DYNC1I2: variants seen among roughly 807,000 people sequenced by gnomAD.
DYNC1I2 encodes the protein dynein cytoplasmic 1 intermediate chain 2, also known as cytoplasmic dynein 1 intermediate chain 2.
In DYNC1I2, 53 loss-of-function variants were observed where a neutral mutation model predicts 88.6. The ratio of observed to expected loss-of-function variants is 0.60; its 90% CI spans 0.48 to 0.75. The LOEUF is 0.75. Among genes scored for constraint, DYNC1I2 ranks in the 30% least tolerant of loss-of-function variants. DYNC1I2 has a pLI of 0.00. For synonymous variants in DYNC1I2, 198 were observed against 254.6 expected (o/e 0.78, Z 2.12); for missense variants, 458 against 766.6 (o/e 0.60, Z 4.75).
At chr2:171,718,131 A>G (rs1687646176) in intron 7 of DYNC1I2, among the ~76,000 whole-genome samples, 1 of 151,566 alleles carries the variant, frequency 6.6e-6, no homozygotes, top group African/African-American at 2.4e-5. Flanking sequence ...TAATCTTTGT[A>G]TTTTTGGTAG....
intron 5 of DYNC1I2, among the ~76,000 whole-genome samples, chr2:171,710,543 T>A (rs1011413402): frequency 2.4e-4 from 37 of 152,128 alleles, no homozygotes; most frequent in African/African-American, 7.2e-4. Context: ...AAGAATTTCT[T>A]TTGGGACTGG....
intron 12 of DYNC1I2, 41 bp downstream of exon 12, chr2:171,728,008 T>C (rs2105696507): frequency 6.2e-7 from 1 of 1,600,600 alleles, no homozygotes; most frequent in Non-Finnish European, 8.5e-7. Flanking sequence ...TCTGTGCTCC[T>C]TCATCCTTAG....
At chr2:171,692,493 G>A (rs771419882) in intron 2 of DYNC1I2, among the ~76,000 whole-genome samples, 21 of 152,098 alleles carry the variant, frequency 1.4e-4, no homozygotes, top group South Asian at 6.2e-4. Flanking sequence ...TAGATAATTC[G>A]AAGTTGACTG....
intron 15 of DYNC1I2, 86 bp downstream of exon 15, chr2:171,729,939 T>C (rs1688498980): frequency 2.7e-6 from 4 of 1,476,202 alleles, no homozygotes; most frequent in Non-Finnish European, 2.8e-6. Flanking sequence ...ATGAAAACCT[T>C]TTAAATCATA....
At chr2:171,726,982 C>T in intron 11 of DYNC1I2, 66 bp downstream of exon 11, 10 of 1,428,192 alleles carry the variant, frequency 7.0e-6, no homozygotes, top group South Asian at 1.6e-5. Context: ...AAGACAAGTG[C>T]CTTTTTTCTT....
intron 14 of DYNC1I2, 38 bp from the exon 15 acceptor site, chr2:171,729,671 A>G: frequency 1.9e-6 from 3 of 1,609,752 alleles, no homozygotes; most frequent in Non-Finnish European, 1.7e-6. Context: ...GTCTACTTAT[A>G]GGAGACTTCT....
chr2:171,696,637 T>G (rs1440687407), intron 3 of DYNC1I2, among the ~76,000 whole-genome samples: 2 of 152,198 alleles, frequency 1.3e-5, no homozygotes, highest in Non-Finnish European at 2.9e-5. Flanking sequence ...TCCAACCTAA[T>G]TTTTCTCTAT....
At chr2:171,745,997 C>T in intron 17 of DYNC1I2, 70 bp downstream of exon 17, 1 of 1,564,070 alleles carries the variant, frequency 6.4e-7, no homozygotes, top group South Asian at 1.1e-5. Context: ...ATCTTTGTGG[C>T]TAACCCTAGG....
chr2:171,745,685 T>A, intron 16 of DYNC1I2, 117 bp from the exon 17 acceptor site: 1 of 1,100,186 alleles, frequency 9.1e-7, no homozygotes, highest in Non-Finnish European at 1.3e-6. Flanking sequence ...AATTCTTACC[T>A]GTTTTCATCT....
At position 171,727,899 on chromosome 2, in the gene DYNC1I2, C is replaced by G; in HGVS notation, c.1075C>G (p.Leu359Val). ...TGGTACATATTCAGGCCAAATTGTGCTTTGGGATAACCGTAGCAATAAAAG... is the reference window on the plus strand; with the variant it reads ...TGGTACATATTCAGGCCAAATTGTGGTTTGGGATAACCGTAGCAATAAAAG... ...VGGTYSGQIV[L>V]WDNRSNKRTP... The change falls in exon 12 of 18, where the codon CTT (leucine) becomes GTT (valine). Residue 359 changes from leucine to valine, a missense_variant. Coordinates refer to ENST00000397119, the MANE Select transcript of DYNC1I2 (RefSeq NM_001378.3). The G allele has an allele frequency of 1.2e-6, 2 of 1,613,212 alleles. No individual in the cohort carries two copies. Among genetic ancestry groups the G allele is most frequent in the Non-Finnish European group, 1.7e-6 (2 of 1,179,408 alleles).
At chr2:171,692,739 C>A in intron 2 of DYNC1I2, 38 bp from the exon 3 acceptor site, 1 of 1,441,470 alleles carries the variant, frequency 6.9e-7, no homozygotes. Context: ...ATTTTTCATA[C>A]TATATGTAAA....
In DYNC1I2 at chr2:171,749,431, T is replaced by A. The variant is rs1279937745; in HGVS notation, c.*1542T>A. Among the ~76,000 whole-genome samples, 7 of 152,148 alleles carry A rather than the reference T, an allele frequency of 4.6e-5. No individual in the cohort carries two copies. Among genetic ancestry groups the A allele is most frequent in the Non-Finnish European group, 1.5e-5 (1 of 67,982 alleles). Reference sequence around the variant, plus strand: ...TGCCCATTATATACCAAAGACAATATCTCAAGTTATCTCATTGTAGCAGTG... The same window carrying A: ...TGCCCATTATATACCAAAGACAATAACTCAAGTTATCTCATTGTAGCAGTG... On this transcript the variant is annotated 3_prime_UTR_variant, in exon 18 of 18. Coordinates refer to ENST00000397119, the MANE Select transcript of DYNC1I2 (RefSeq NM_001378.3).
chr2:171,724,207 CATTT>C (rs967836029), intron 7 of DYNC1I2, among the ~76,000 whole-genome samples: 6 of 152,184 alleles, frequency 3.9e-5, no homozygotes, highest in African/African-American at 1.4e-4. Flanking sequence ...TATACAGTGT[CATTT>C]AAAGCTTTCT....
At chr2:171,715,572 A>T in intron 7 of DYNC1I2, 129 bp downstream of exon 7, 1 of 591,898 alleles carries the variant, frequency 1.7e-6, no homozygotes, top group Admixed American at 3.1e-5. Context: ...TCTTAGGGAA[A>T]CATGAGAAAA....
At position 171,715,371 on chromosome 2, in the gene DYNC1I2, G is replaced by A. The variant is rs755939434; in HGVS notation, c.439G>A (p.Asp147Asn). 11 of 1,567,620 alleles carry A rather than the reference G, an allele frequency of 7.0e-6. No individual in the cohort carries two copies. Among genetic ancestry groups the A allele is most frequent in the South Asian group, 2.4e-5 (2 of 85,062 alleles). Residue 147 changes from aspartate to asparagine, a missense_variant, in exon 7 of 18, where the codon GAC becomes AAC. Physicochemically the swap from Asp to Asn is conservative, Grantham distance 23. This residue lies in a region of DYNC1I2 where 203 missense variants were observed against 354.2 expected (regional missense o/e 0.57). Coordinates refer to ENST00000397119, the MANE Select transcript of DYNC1I2 (RefSeq NM_001378.3). ...KLGMAKITQV[D>N]FPPREIVTYT... is the part of the protein sequence containing the mutation. ...TGGAATGGCTAAAATCACGCAAGTC[G>A]ACTTTCCTCCTCGAGAAATTGTCAC... is the stretch of plus-strand genomic sequence containing the variant.
At chr2:171,717,943 T>C (rs1391137376) in intron 7 of DYNC1I2, among the ~76,000 whole-genome samples, 1 of 152,024 alleles carries the variant, frequency 6.6e-6, no homozygotes, top group Non-Finnish European at 1.5e-5. Flanking sequence ...TTATATCCAG[T>C]TTAAGTGAAG....
At chr2:171,694,712 G>A (rs1193765092) in intron 3 of DYNC1I2, among the ~76,000 whole-genome samples, 1 of 152,168 alleles carries the variant, frequency 6.6e-6, no homozygotes, top group Non-Finnish European at 1.5e-5. Context: ...TTTACAGGAA[G>A]TATGTTGCTG....
At chr2:171,706,278 A>T (rs1686670390) in intron 3 of DYNC1I2, among the ~76,000 whole-genome samples, 1 of 152,156 alleles carries the variant, frequency 6.6e-6, no homozygotes. Flanking sequence ...TTTTGAAAAG[A>T]TACTTGGGAT....
chr2:171,705,413 C>T (rs986318772), intron 3 of DYNC1I2, among the ~76,000 whole-genome samples: 1 of 152,012 alleles, frequency 6.6e-6, no homozygotes, highest in African/African-American at 2.4e-5. Context: ...ACTAATTTTC[C>T]TCCAACCTCT....
Sources: gnomAD v4.1 joint callset for allele counts (sites outside exome capture counted in the v4.1 genomes callset) on GRCh38, gnomAD v4.1.1 for gene constraint, gnomAD v4.1.1 regional missense constraint, MANE v1.5 for transcripts, NCBI Gene and HGNC (gene_info 2026-07-23, HGNC 2026-07-21) for gene names.